The following THADA variants were observed in gnomAD, a reference collection of about 807,000 sequenced individuals.
THADA encodes tRNA (32-2'-O)-methyltransferase regulator THADA.
A neutral mutation model predicts 219.8 loss-of-function variants in THADA; 213 were observed. The ratio of observed to expected loss-of-function variants is 0.97; its 90% CI spans 0.87 to 1.09. The LOEUF is 1.09. THADA is among the 50% of genes least tolerant of loss of function. The probability of loss-of-function intolerance (pLI) is 0.00; values close to 1 mark genes in which losing one functional copy is unlikely to be tolerated. For synonymous variants in THADA, 1,018 were observed against 828.9 expected, an observed-to-expected ratio of 1.23 and a Z score of -3.92; for missense variants, 2,956 against 2,311.3, an observed-to-expected ratio of 1.28 and a Z score of -5.72.
intron 35 of THADA, among the ~76,000 whole-genome samples, chr2:43,283,802 G>A (rs1326633833): frequency 2.0e-5 from 3 of 152,252 alleles, no homozygotes; most frequent in Non-Finnish European, 2.9e-5. Context: ...GTGAAGCAGA[G>A]CATGGAGCCT....
chr2:43,544,667 C>T (rs1345245021), intron 20 of THADA, among the ~76,000 whole-genome samples: 2 of 150,950 alleles, frequency 1.3e-5, no homozygotes, highest in Admixed American at 1.3e-4. Flanking sequence ...CATGATTTGG[C>T]TCTCTGTTTG....
chr2:43,257,274 G>A (rs1012628073), intron 36 of THADA, among the ~76,000 whole-genome samples: 2 of 152,244 alleles, frequency 1.3e-5, no homozygotes, highest in Non-Finnish European at 2.9e-5. Context: ...TCCTTCAAGT[G>A]TCTGCTCCCA....
At chr2:43,482,121 T>A (rs1198810956) in intron 26 of THADA, among the ~76,000 whole-genome samples, 2 of 152,226 alleles carry the variant, frequency 1.3e-5, no homozygotes, top group African/African-American at 4.8e-5. Flanking sequence ...TAAAATCAGT[T>A]CTTCATTCTG....
chr2:43,294,719 C>T (rs899368738), intron 31 of THADA, among the ~76,000 whole-genome samples: 28 of 152,086 alleles, frequency 1.8e-4, no homozygotes, highest in African/African-American at 6.8e-4. Flanking sequence ...AACACTACTG[C>T]ACCGTAGTCC....
intron 36 of THADA, among the ~76,000 whole-genome samples, chr2:43,259,700 T>C (rs1357787514): frequency 6.6e-6 from 1 of 152,230 alleles, no homozygotes; most frequent in Non-Finnish European, 1.5e-5. Flanking sequence ...CTGCATAGTA[T>C]GTGGAGGTAT....
At chr2:43,259,773 C>G (rs1473602658) in intron 36 of THADA, among the ~76,000 whole-genome samples, 1 of 152,196 alleles carries the variant, frequency 6.6e-6, no homozygotes, top group African/African-American at 2.4e-5. Context: ...GTTATAAACA[C>G]TGTTGAAAGG....
chr2:43,254,027 C>G (rs910170419), intron 36 of THADA, among the ~76,000 whole-genome samples: 3 of 151,986 alleles, frequency 2.0e-5, no homozygotes, highest in African/African-American at 7.2e-5. Context: ...TGGGGCTAAC[C>G]CTACCCTCAA....
intron 29 of THADA, among the ~76,000 whole-genome samples, chr2:43,353,347 G>A (rs1399469516): frequency 2.0e-5 from 2 of 101,638 alleles, no homozygotes; most frequent in South Asian, 3.9e-4. Flanking sequence ...CTTATCTCTT[G>A]TTTTTTGATA....
At chr2:43,505,841 T>C (rs1322946007) in intron 23 of THADA, 106 bp from the exon 24 acceptor site, 3 of 787,532 alleles carry the variant, frequency 3.8e-6, no homozygotes, top group Non-Finnish European at 6.2e-6. Context: ...AATAAAAACA[T>C]GTGGTTATCA....
At chr2:43,439,667 C>A (rs1448907417) in intron 26 of THADA, among the ~76,000 whole-genome samples, 1 of 152,142 alleles carries the variant, frequency 6.6e-6, no homozygotes, top group Non-Finnish European at 1.5e-5. Flanking sequence ...TCTAATTGCA[C>A]CTAATATCTA....
At chr2:43,575,589 T>G (rs1699768946) in intron 10 of THADA, among the ~76,000 whole-genome samples, 1 of 152,188 alleles carries the variant, frequency 6.6e-6, no homozygotes, top group Non-Finnish European at 1.5e-5. Context: ...CAGGCTGGAG[T>G]GCAGTGGTGC....
At chr2:43,346,762 A>T (rs1057496403) in intron 29 of THADA, among the ~76,000 whole-genome samples, 1 of 152,202 alleles carries the variant, frequency 6.6e-6, no homozygotes, top group African/African-American at 2.4e-5. Context: ...TGTAGCTTAC[A>T]TTCTAGTCAT....
At chr2:43,516,595 T>C (rs1691754265) in intron 22 of THADA, among the ~76,000 whole-genome samples, 1 of 152,094 alleles carries the variant, frequency 6.6e-6, no homozygotes, top group African/African-American at 2.4e-5. Context: ...TGTTTAAAAA[T>C]TGGGTAAAAT....
chr2:43,540,847 C>T lies in THADA; in HGVS notation c.3264+312G>A, dbSNP rs528377389. On this transcript the variant is annotated intron_variant, in intron 21 of 37. Transcript: ENST00000405975. ...ATTTGTGGAGTTTTACTAAATAAGA[C>T]AATTTTAAGCTAAAGTTTAAGTCTG... Among the ~76,000 whole-genome samples the T allele has an allele frequency of 9.8e-4, 149 of 152,006 alleles. 1 individual carries two copies. The highest frequency in any genetic ancestry group is 3.5e-3 in the African/African-American group (146 of 41,462).
intron 9 of THADA, 101 bp from the exon 10 acceptor site, chr2:43,577,343 A>G: frequency 1.1e-6 from 1 of 936,888 alleles, no homozygotes; most frequent in Admixed American, 2.7e-5. Flanking sequence ...GAAAAATCCT[A>G]GGAAAAATGA....
At chr2:43,461,994 C>T (rs896891266) in intron 26 of THADA, among the ~76,000 whole-genome samples, 2 of 152,176 alleles carry the variant, frequency 1.3e-5, no homozygotes, top group African/African-American at 4.8e-5. Flanking sequence ...AGTTTAAACC[C>T]AAGCTTTAAT....
intron 26 of THADA, among the ~76,000 whole-genome samples, chr2:43,453,600 A>T (rs1449035056): frequency 6.6e-6 from 1 of 152,222 alleles, no homozygotes; most frequent in East Asian, 1.9e-4. Flanking sequence ...AGATATTCCA[A>T]GATGAGAGTC....
chr2:43,581,623 G>A lies in THADA; in HGVS notation c.721+118C>T, dbSNP rs545473068. 2.5e-5 allele frequency: 21 copies of A among 852,550 alleles called. No individual in the cohort carries two copies. The African/African-American group carries it at 3.6e-4, about 15-fold the overall frequency. The allele number at this position is 852,550 out of a possible 1,614,324, so 52.8% of individuals were successfully genotyped here. A position where few individuals can be genotyped will look rare whatever the true frequency, so the allele number is the denominator to read the frequency against. Reference sequence around the variant, plus strand: ...CCTCCATTTTTGAGAGGCTGAGTAAGGACACATTCCACATCTCAGTTAAGT... The same window carrying A: ...CCTCCATTTTTGAGAGGCTGAGTAAAGACACATTCCACATCTCAGTTAAGT... On this transcript the variant is annotated intron_variant, in intron 8 of 37. Transcript: ENST00000405975.
At chr2:43,286,744 C>G (rs143129609) in intron 35 of THADA, among the ~76,000 whole-genome samples, 164 bp downstream of exon 35, 1 of 151,878 alleles carries the variant, frequency 6.6e-6, no homozygotes, top group Non-Finnish European at 1.5e-5. Flanking sequence ...AGAGTGTGTT[C>G]GTGAAAATGA....
Sources: gnomAD v4.1 joint callset for allele counts (sites outside exome capture counted in the v4.1 genomes callset) on GRCh38, gnomAD v4.1.1 for gene constraint, MANE v1.5 for transcripts, NCBI Gene and HGNC (gene_info 2026-07-23, HGNC 2026-07-21) for gene names.